Variants in TCF7 observed in about 807,000 individuals in gnomAD.
TCF7 encodes T-cell-factor-7.
TCF7 carries 19 observed loss-of-function variants against 46.8 expected under a neutral mutation model. The ratio of observed to expected loss-of-function variants is 0.41; its 90% confidence interval spans 0.28 to 0.60. TCF7 has a LOEUF of 0.60. Among genes scored for constraint, TCF7 ranks in the 20% least tolerant of loss-of-function variants. The pLI is 0.35. For missense variants in TCF7, 547 were observed against 504.6 expected, an observed-to-expected ratio of 1.08 and a Z score of -0.81; for synonymous variants, 245 against 213.4, an observed-to-expected ratio of 1.15 and a Z score of -1.29.
chr5:134,142,050 G>C (rs1216926766), intron 5 of TCF7, 135 bp from the exon 6 acceptor site: 3 of 1,264,100 alleles, frequency 2.4e-6, no homozygotes, highest in Non-Finnish European at 3.3e-6. Context: ...GTGTACTTAT[G>C]TCTAGGCCAG....
At chr5:134,144,188 T>G (rs903605586) in intron 9 of TCF7, 1 of 160,862 alleles carries the variant, frequency 6.2e-6, no homozygotes, top group Non-Finnish European at 1.4e-5. Context: ...CTCTGGTAAC[T>G]GAGACTCCAC....
intron 9 of TCF7, 109 bp downstream of exon 9, chr5:134,143,749 A>G: frequency 1.5e-6 from 2 of 1,329,092 alleles, no homozygotes; most frequent in South Asian, 1.3e-5. Flanking sequence ...AGGAGCCTTC[A>G]GGGCCTGGGG....
chr5:134,143,853 C>T (rs535109981), intron 9 of TCF7: 4 of 579,610 alleles, frequency 6.9e-6, no homozygotes, highest in East Asian at 2.9e-5. Flanking sequence ...GCAGAACTGG[C>T]TTCTGCTGGG....
At position 134,121,946 on chromosome 5, in the gene TCF7, A is replaced by G. The variant is rs150168677; in HGVS notation, c.441+5913A>G. ...CTTACAGTGGCTCAGCACAGCTGAT[A>G]TGGAGTTCTGCCTTTGTTGCTCTGC... is the stretch of plus-strand genomic sequence containing the variant. On this transcript the variant is annotated intron_variant, in intron 3 of 9. Coordinates refer to ENST00000342854, the MANE Select transcript of TCF7 (RefSeq NM_003202.5). 8.1e-4 allele frequency among the ~76,000 whole-genome samples: 124 copies of G among 152,308 alleles called. 3 individuals carry two copies. The East Asian group carries it at 0.02, about 25-fold the overall frequency.
chr5:134,123,778 C>T (rs752190236), intron 3 of TCF7: 3 of 456,132 alleles, frequency 6.6e-6, no homozygotes, highest in Admixed American at 2.3e-5. Flanking sequence ...CGGTACCCAC[C>T]CACAGATGGT....
chr5:134,145,247 C>G lies in TCF7; in HGVS notation c.1076-977C>G, dbSNP rs181170418. The G allele has an allele frequency of 7.4e-4, 407 of 552,104 alleles. 2 individuals carry two copies. Among genetic ancestry groups the G allele is most frequent in the Non-Finnish European group, 1.4e-4 (39 of 282,404 alleles). The allele number at this position is 552,104 out of a possible 1,614,324, so 34.2% of individuals were successfully genotyped here. A position where few individuals can be genotyped will look rare whatever the true frequency, so the allele number is the denominator to read the frequency against. ...TCATTATGGCCCATGGGCTCCCTCA[C>G]TTCCTCTTCAAGATGGGATCCCTGC... On this transcript the variant is annotated intron_variant, in intron 9 of 9. Transcript: ENST00000342854.
At chr5:134,142,097 A>G (rs1759882369) in intron 5 of TCF7, 88 bp from the exon 6 acceptor site, 1 of 1,574,368 alleles carries the variant, frequency 6.4e-7, no homozygotes, top group South Asian at 1.1e-5. Context: ...TGTGTCCTCA[A>G]GTTATGTATT....
chr5:134,115,894 C>A lies in TCF7; in HGVS notation c.317-15C>A. ...GCCAGGGCTGGTGTGTCTGACCCAGCTGTGGTTTTTCCAGGCCTGAAGGCC... is the reference window on the plus strand; with the variant it reads ...GCCAGGGCTGGTGTGTCTGACCCAGATGTGGTTTTTCCAGGCCTGAAGGCC... On this transcript the variant is annotated splice_polypyrimidine_tract_variant and intron_variant, in intron 2 of 9. Transcript: ENST00000342854. 6.2e-7 allele frequency: 1 copy of A among 1,613,870 alleles called. No individual in the cohort carries two copies. The highest frequency in any genetic ancestry group is 8.5e-7 in the Non-Finnish European group (1 of 1,179,994).
intron 3 of TCF7, among the ~76,000 whole-genome samples, chr5:134,137,425 C>CAAAA (rs752883165): frequency 1.8e-5 from 1 of 56,558 alleles, no homozygotes; most frequent in Non-Finnish European, 4.0e-5. Context: ...GACTCTGTCT[C>CAAAA]AAAAAAAAAA....
At chr5:134,111,380 C>T (rs1039337621), upstream of TCF7, among the ~76,000 whole-genome samples, 1 of 152,154 alleles carries the variant, frequency 6.6e-6, no homozygotes, top group Admixed American at 6.5e-5. Context: ...CTGGGGCCTC[C>T]TTGCAGCTGG....
chr5:134,135,527 A>G (rs1306937249), intron 3 of TCF7, among the ~76,000 whole-genome samples: 2 of 152,178 alleles, frequency 1.3e-5, no homozygotes. Context: ...GACAAATTGG[A>G]TATGGAGTAT....
chr5:134,109,166 C>G, the TCF7 span, among the ~76,000 whole-genome samples: 2 of 152,212 alleles, frequency 1.3e-5, no homozygotes, highest in Non-Finnish European at 2.9e-5. Flanking sequence ...CATCCAAAAA[C>G]TTCTGAGCAC....
chr5:134,124,377 G>A (rs1320720336), intron 3 of TCF7, among the ~76,000 whole-genome samples: 1 of 152,212 alleles, frequency 6.6e-6, no homozygotes, highest in Non-Finnish European at 1.5e-5. Flanking sequence ...CCTCCTCAGA[G>A]GGTTCCCCCT....
In TCF7 at chr5:134,142,847, G is replaced by C; in HGVS notation, c.882G>C (p.Lys294Asn). The change falls in exon 7 of 10, where the codon AAG becomes AAC. Residue 294 changes from lysine to asparagine, a missense_variant. By Grantham distance (94) the Lys-to-Asn change is moderately conservative. Coordinates refer to ENST00000342854, the MANE Select transcript of TCF7 (RefSeq NM_003202.5). ...RAKVIAECTL[K>N]ESAAINQILG... is the part of the protein sequence containing the mutation. ...AGGTCATTGCAGAGTGCACACTTAA[G>C]GAGAGCGCTGCCATCAACCAGATCC... The C allele has an allele frequency of 6.2e-7, 1 of 1,614,164 alleles. No individual in the cohort carries two copies. Among genetic ancestry groups the C allele is most frequent in the Non-Finnish European group, 8.5e-7 (1 of 1,179,994 alleles).
At position 134,145,687 on chromosome 5, in the gene TCF7, C is replaced by T. The variant is rs899688450; in HGVS notation, c.1076-537C>T. 3.8e-5 allele frequency: 61 copies of T among 1,589,446 alleles called. No homozygotes were observed. In the Middle Eastern group the frequency reaches 6.6e-4, roughly 17 times the overall value. ...GTCTGTGTATCCACATACATATGCACGGTGGGAAACAACCCTGTCTTCAGG... is the reference window on the plus strand; with the variant it reads ...GTCTGTGTATCCACATACATATGCATGGTGGGAAACAACCCTGTCTTCAGG... On this transcript the variant is annotated intron_variant, in intron 9 of 9. Transcript: ENST00000342854.
chr5:134,129,578 T>TTCCTCTAAAAACATCCTG (rs1429385565), intron 3 of TCF7, among the ~76,000 whole-genome samples: 2 of 152,216 alleles, frequency 1.3e-5, no homozygotes, highest in Non-Finnish European at 2.9e-5. Flanking sequence ...AGCTTATATT[T>TTCCTCTAAAAACATCCTG]TCCTCTAAAA....
intron 8 of TCF7, 35 bp from the exon 9 acceptor site, chr5:134,143,557 C>T: frequency 6.2e-7 from 1 of 1,614,016 alleles, no homozygotes; most frequent in Non-Finnish European, 8.5e-7. Flanking sequence ...TGTCTGCCTC[C>T]CAGATCTGAG....
At position 134,142,294 on chromosome 5, in the gene TCF7, G is replaced by A. The variant is rs143237515; in HGVS notation, c.745G>A (p.Asp249Asn). 122 of 1,587,698 alleles carry A rather than the reference G, an allele frequency of 7.7e-5. No homozygotes were observed. The highest frequency in any genetic ancestry group is 6.8e-4 in the Middle Eastern group (4 of 5,912). The change falls in exon 6 of 10, where the codon GAC (aspartate) becomes AAC (asparagine). Residue 249 changes from aspartate to asparagine, a missense_variant. Asp to Asn is a conservative substitution (Grantham distance 23, BLOSUM62 1). Transcript: ENST00000342854. ...PSGKQELQPF[D>N]RNLKTQAESK... ...AGGGAAGCAGGAGCTGCAGCCCTTC[G>A]ACCGCAACCTGTGAGTGAAAAGACA...
chr5:134,145,545 G>A (rs1760570656), intron 9 of TCF7: 1 of 622,762 alleles, frequency 1.6e-6, no homozygotes. Context: ...AGGCCTGGCA[G>A]GGCTAAGATA....
Sources: gnomAD v4.1 joint callset for allele counts (sites outside exome capture counted in the v4.1 genomes callset) on GRCh38, gnomAD v4.1.1 for gene constraint, MANE v1.5 for transcripts, NCBI Gene and HGNC (gene_info 2026-07-23, HGNC 2026-07-21) for gene names.